NSRP1: variants seen among roughly 807,000 people sequenced by gnomAD.
NSRP1 encodes coiled-coil domain containing 55.
Under a neutral mutation model 54.7 loss-of-function variants are expected in NSRP1, and 24 were observed. The observed-to-expected ratio is 0.44, with a 90% CI of 0.32 to 0.62. The LOEUF is 0.62. NSRP1 is among the 20% of genes least tolerant of loss of function. The pLI, the probability that NSRP1 is intolerant of heterozygous loss-of-function variation, is 0.06. For missense variants in NSRP1, 596 were observed against 651.2 expected (o/e 0.92, Z 0.92); for synonymous variants, 210 against 213.8 (o/e 0.98, Z 0.15).
chr17:30,164,156 C>T (rs1904646337), intron 2 of NSRP1, among the ~76,000 whole-genome samples: 1 of 152,096 alleles, frequency 6.6e-6, no homozygotes. Flanking sequence ...ACTCTTAAGA[C>T]ATAAATTTAA....
At chr17:30,146,674 C>T (rs1282373138) in intron 2 of NSRP1, among the ~76,000 whole-genome samples, 1 of 152,192 alleles carries the variant, frequency 6.6e-6, no homozygotes, top group Non-Finnish European at 1.5e-5. Context: ...CTTGCTCTGT[C>T]CCCCAGGCTG....
chr17:30,122,361 A>C (rs1391711641), intron 2 of NSRP1: 1 of 15,534 alleles, frequency 6.4e-5, no homozygotes, highest in Non-Finnish European at 1.7e-4. Flanking sequence ...TCATATATAT[A>C]TATATATATA....
intron 2 of NSRP1, among the ~76,000 whole-genome samples, chr17:30,162,025 T>G (rs1904533431): frequency 3.5e-5 from 1 of 28,942 alleles, no homozygotes; most frequent in Admixed American, 3.7e-4. Flanking sequence ...TAGCCATGTC[T>G]TTTTTTTTTT....
chr17:30,149,748 T>G (rs553308621), intron 2 of NSRP1, among the ~76,000 whole-genome samples: 1 of 148,254 alleles, frequency 6.7e-6, no homozygotes, highest in African/African-American at 2.5e-5. Flanking sequence ...GGCAGGAGCA[T>G]CACTTGAGCC....
intron 3 of NSRP1, 146 bp downstream of exon 3, chr17:30,172,744 A>G (rs775703668): frequency 4.7e-5 from 26 of 554,240 alleles, no homozygotes; most frequent in Non-Finnish European, 7.3e-5. Context: ...TTGCTGTGCT[A>G]TAGATTAAAC....
intron 2 of NSRP1, among the ~76,000 whole-genome samples, chr17:30,159,246 T>A (rs1904423858): frequency 6.6e-6 from 1 of 152,202 alleles, no homozygotes. Context: ...CTTTCTTGAT[T>A]TCTTTTTCCT....
intron 2 of NSRP1, among the ~76,000 whole-genome samples, chr17:30,151,556 A>G (rs1408094346): frequency 1.3e-5 from 2 of 152,174 alleles, no homozygotes; most frequent in East Asian, 3.8e-4. Context: ...CTTCCTGTTC[A>G]TCATCATCTT....
intron 6 of NSRP1, among the ~76,000 whole-genome samples, chr17:30,182,277 T>C (rs1905333863): frequency 6.6e-6 from 1 of 152,154 alleles, no homozygotes; most frequent in Admixed American, 6.5e-5. Context: ...ATGTAAGACT[T>C]ACATATCGGG....
At chr17:30,166,356 A>G (rs544616970) in intron 2 of NSRP1, among the ~76,000 whole-genome samples, 6 of 152,136 alleles carry the variant, frequency 3.9e-5, no homozygotes, top group South Asian at 2.1e-4. Context: ...TATGAAATCT[A>G]TTTTTTCTCT....
chr17:30,158,308 A>ATT (rs35919418), intron 2 of NSRP1, among the ~76,000 whole-genome samples: 48,736 of 133,530 alleles, frequency 0.36, 10,537 homozygotes, highest in East Asian at 0.79. Flanking sequence ...TTTTAATGGC[A>ATT]TTTTTTTTTT....
At chr17:30,143,573 C>T (rs2071825458) in intron 2 of NSRP1, among the ~76,000 whole-genome samples, 2 of 151,918 alleles carry the variant, frequency 1.3e-5, no homozygotes, top group African/African-American at 4.8e-5. Flanking sequence ...GGTTATAAGA[C>T]CTTTGACTGT....
rs1444056539 is a variant in NSRP1 at position 30,186,448 on chromosome 17, AAAT to A, written c.*777_*779del. 1 of 152,244 alleles carries A rather than the reference AAAT, an allele frequency of 6.6e-6. No individual in the cohort carries two copies. The allele number at this position is 152,244 out of a possible 1,614,324, so 9.4% of individuals were successfully genotyped here. A position where few individuals can be genotyped will look rare whatever the true frequency, so the allele number is the denominator to read the frequency against. Reference sequence around the variant, plus strand: ...CTTACAGCATAGTTGGCTTAAATGAAAATAAAATGATATGCTTATACATTTTAT... The same window carrying A: ...CTTACAGCATAGTTGGCTTAAATGAAAAAATGATATGCTTATACATTTTAT... On this transcript the variant is annotated 3_prime_UTR_variant, in exon 7 of 7. Transcript: ENST00000247026.
chr17:30,128,431 T>G (rs1452991885), intron 2 of NSRP1, among the ~76,000 whole-genome samples: 2 of 152,134 alleles, frequency 1.3e-5, no homozygotes, highest in Non-Finnish European at 2.9e-5. Context: ...AGCCAAATAC[T>G]TTTTAAAAAT....
intron 2 of NSRP1, among the ~76,000 whole-genome samples, chr17:30,147,617 C>T (rs1259524358): frequency 6.6e-6 from 1 of 151,886 alleles, no homozygotes; most frequent in Non-Finnish European, 1.5e-5. Context: ...GCGCCCGCCA[C>T]CACGCCCGGC....
intron 2 of NSRP1, among the ~76,000 whole-genome samples, chr17:30,119,430 C>G (rs967570696): frequency 3.3e-5 from 5 of 152,190 alleles, no homozygotes; most frequent in African/African-American, 7.2e-5. Context: ...CCAGGCTGGT[C>G]TTGAACCTAA....
chr17:30,158,068 G>A (rs1597611517), intron 2 of NSRP1, among the ~76,000 whole-genome samples: 1 of 152,142 alleles, frequency 6.6e-6, no homozygotes, highest in East Asian at 1.9e-4. Flanking sequence ...TCTCCATACT[G>A]GTTTATTTAC....
chr17:30,124,973 C>T (rs2071637138), intron 2 of NSRP1, among the ~76,000 whole-genome samples: 1 of 152,008 alleles, frequency 6.6e-6, no homozygotes, highest in Non-Finnish European at 1.5e-5. Context: ...CTGAGGTGGG[C>T]AGATCACTTG....
chr17:30,170,361 A>G (rs567742496), intron 2 of NSRP1, among the ~76,000 whole-genome samples: 78 of 152,284 alleles, frequency 5.1e-4, no homozygotes, highest in African/African-American at 1.8e-3. Context: ...CATGAATACC[A>G]TATATAGTAC....
chr17:30,151,511 CTATT>C lies in NSRP1; in HGVS notation c.115-21026_115-21023del, dbSNP rs1298739007. The stretch of plus-strand genomic sequence containing the variant: ...GAAGATATATAATAAAATATATTTC[CTATT>C]TATTAAGTAGAAGTGGATCATCATA... On this transcript the variant is annotated intron_variant, in intron 2 of 6. Transcript: ENST00000247026. 1.1e-4 allele frequency among the ~76,000 whole-genome samples: 16 copies of C among 152,076 alleles called. No homozygotes were observed. The South Asian group carries it at 1.9e-3, about 18-fold the overall frequency.
Sources: allele counts gnomAD v4.1 joint callset (sites outside exome capture counted in the v4.1 genomes callset), GRCh38; gene constraint gnomAD v4.1.1; transcripts MANE v1.5; gene names NCBI Gene and HGNC (gene_info 2026-07-23, HGNC 2026-07-21).